Variants in EPHA6 observed in about 807,000 individuals in gnomAD.
EPHA6 encodes the protein EPH receptor A6.
EPHA6 carries 50 observed loss-of-function variants against 112.0 expected under a neutral mutation model. The observed-to-expected ratio is 0.45, with a 90% CI of 0.36 to 0.56. The LOEUF (loss-of-function observed/expected upper bound fraction) is 0.56, where lower values mean the gene tolerates loss of function less well. Among genes scored for constraint, EPHA6 ranks in the 20% least tolerant of loss-of-function variants. EPHA6 has a pLI of 0.00. For missense variants in EPHA6, 1,280 were observed against 1,417.4 expected (o/e 0.90, Z 1.56); for synonymous variants, 529 against 490.7 (o/e 1.08, Z -1.03).
At position 97,217,109 on chromosome 3, in the gene EPHA6, G is replaced by A. The variant is rs369306260; in HGVS notation, c.1115-9155G>A. Among the ~76,000 whole-genome samples the A allele has an allele frequency of 3.0e-4, 46 of 152,258 alleles. No homozygotes were observed. In the South Asian group the frequency reaches 8.3e-3, roughly 27 times the overall value. The stretch of plus-strand genomic sequence containing the variant: ...GGTAAATTTTTAGGCCCTGGCACAG[G>A]AGAAAGGACCCTGATAAAACCTTAT... On this transcript the variant is annotated intron_variant, in intron 3 of 17. Transcript: ENST00000389672.
At chr3:97,329,799 T>A (rs1206234023) in intron 5 of EPHA6, among the ~76,000 whole-genome samples, 1 of 152,164 alleles carries the variant, frequency 6.6e-6, no homozygotes, top group Admixed American at 6.6e-5. Flanking sequence ...TTTCTTTTGC[T>A]GTGCAGAAGC....
chr3:97,645,129 T>C (rs1448316544), intron 14 of EPHA6, among the ~76,000 whole-genome samples: 5 of 152,052 alleles, frequency 3.3e-5, no homozygotes, highest in Admixed American at 3.3e-4. Flanking sequence ...GATCTACAAC[T>C]AGAAATACCA....
At chr3:97,273,048 A>AG (rs2079945610) in intron 5 of EPHA6, among the ~76,000 whole-genome samples, 1 of 152,098 alleles carries the variant, frequency 6.6e-6, no homozygotes, top group African/African-American at 2.4e-5. Flanking sequence ...TTTTCTGGTA[A>AG]GGGGTGATAT....
chr3:97,481,260 G>A lies in EPHA6; in HGVS notation c.2074+1896G>A, dbSNP rs528858670. 105 of 1,466,984 alleles carry A rather than the reference G, an allele frequency of 7.2e-5. No homozygotes were observed. The South Asian group carries it at 1.0e-3, about 14-fold the overall frequency. The allele number at this position is 1,466,984 out of a possible 1,614,324, so 90.9% of individuals were successfully genotyped here. A position where few individuals can be genotyped will look rare whatever the true frequency, so the allele number is the denominator to read the frequency against. Reference sequence around the variant, plus strand: ...ACTTTTAGATCACGTACATAACCAGGAATTGAATAAATAATGAATGTTTTC... The same window carrying A: ...ACTTTTAGATCACGTACATAACCAGAAATTGAATAAATAATGAATGTTTTC... On this transcript the variant is annotated intron_variant, in intron 9 of 17. Transcript: ENST00000389672.
At chr3:96,849,996 A>G (rs1232260731) in intron 1 of EPHA6, among the ~76,000 whole-genome samples, 2 of 152,200 alleles carry the variant, frequency 1.3e-5, no homozygotes, top group African/African-American at 4.8e-5. Flanking sequence ...AAGCTCAAGA[A>G]CAATATATGG....
At chr3:96,958,721 C>T (rs998509064) in intron 2 of EPHA6, among the ~76,000 whole-genome samples, 2 of 152,162 alleles carry the variant, frequency 1.3e-5, no homozygotes, top group African/African-American at 4.8e-5. Flanking sequence ...TAAATGGAAT[C>T]ATGCAATATA....
At chr3:97,401,402 C>T (rs866009389) in intron 5 of EPHA6, among the ~76,000 whole-genome samples, 2 of 151,636 alleles carry the variant, frequency 1.3e-5, no homozygotes, top group Non-Finnish European at 3.0e-5. Flanking sequence ...ACTGTACAAC[C>T]GTGGTAGTTT....
intron 3 of EPHA6, among the ~76,000 whole-genome samples, chr3:97,012,972 G>A (rs2044143326): frequency 6.6e-6 from 1 of 151,958 alleles, no homozygotes; most frequent in African/African-American, 2.4e-5. Flanking sequence ...AATTGTTTTA[G>A]TTCTTTACAG....
intron 3 of EPHA6, among the ~76,000 whole-genome samples, chr3:97,132,646 C>G (rs1488645734): frequency 6.6e-6 from 1 of 152,018 alleles, no homozygotes; most frequent in African/African-American, 2.4e-5. Flanking sequence ...ACACATTAAG[C>G]TATTACCAGT....
In EPHA6 at chr3:97,637,879, G is replaced by C. The variant is rs377608615; in HGVS notation, c.2581G>C (p.Asp861His). Reference protein sequence around the residue: ...GSLDSFLRKHDGHFTVIQLVG... With the variant: ...GSLDSFLRKHHGHFTVIQLVG... Reference sequence around the variant, plus strand: ...AATTGTGATTCTCTTGCAGAAGCATGATGGCCACTTCACAGTCATCCAGTT... The same window carrying C: ...AATTGTGATTCTCTTGCAGAAGCATCATGGCCACTTCACAGTCATCCAGTT... Residue 861 changes from aspartate to histidine, a missense_variant, in exon 14 of 18, where the codon GAT (aspartate) becomes CAT (histidine). Coordinates refer to ENST00000389672, the MANE Select transcript of EPHA6 (RefSeq NM_001080448.3). The C allele has an allele frequency of 8.1e-5, 130 of 1,613,618 alleles. No individual in the cohort carries two copies. Among genetic ancestry groups the C allele is most frequent in the Non-Finnish European group, 9.4e-5 (111 of 1,179,574 alleles).
intron 14 of EPHA6, among the ~76,000 whole-genome samples, chr3:97,671,304 T>C (rs568872317): frequency 6.6e-6 from 1 of 152,230 alleles, no homozygotes; most frequent in African/African-American, 2.4e-5. Context: ...CTTAATTCTA[T>C]ATTCCCAGGA....
intron 3 of EPHA6, among the ~76,000 whole-genome samples, chr3:97,179,469 G>C (rs1211544975): frequency 6.6e-6 from 1 of 152,026 alleles, no homozygotes; most frequent in Admixed American, 6.6e-5. Context: ...GGTATTTATT[G>C]TGGTCTTCAC....
chr3:97,295,717 A>G (rs2080851603), intron 5 of EPHA6, among the ~76,000 whole-genome samples: 1 of 151,854 alleles, frequency 6.6e-6, no homozygotes, highest in Admixed American at 6.6e-5. Context: ...CTTTTTACTG[A>G]AGATGTGTTG....
chr3:96,829,185 T>C (rs1255261173), intron 1 of EPHA6, among the ~76,000 whole-genome samples: 1 of 152,154 alleles, frequency 6.6e-6, no homozygotes, highest in Non-Finnish European at 1.5e-5. Flanking sequence ...GCTTAAAATA[T>C]ATGAAAGTTC....
intron 1 of EPHA6, among the ~76,000 whole-genome samples, chr3:96,843,261 T>C (rs1986956): frequency 0.22 from 33,470 of 151,982 alleles, 6,482 homozygotes; most frequent in African/African-American, 0.49. Flanking sequence ...ACCTATTAAC[T>C]AAAGAGGTGT....
At chr3:97,618,602 T>C (rs7632398) in intron 13 of EPHA6, among the ~76,000 whole-genome samples, 39,657 of 151,766 alleles carry the variant, frequency 0.26, 6,754 homozygotes, top group East Asian at 0.51. Flanking sequence ...CCCACAGAAA[T>C]ACAAGCAACG....
intron 10 of EPHA6, among the ~76,000 whole-genome samples, chr3:97,503,164 A>T (rs1465874730): frequency 1.3e-5 from 2 of 152,156 alleles, no homozygotes; most frequent in Admixed American, 1.3e-4. Flanking sequence ...ATTATATATT[A>T]CAAAAACTGA....
chr3:97,736,543 TTC>T (rs1309808086), intron 16 of EPHA6, among the ~76,000 whole-genome samples: 1 of 151,524 alleles, frequency 6.6e-6, no homozygotes, highest in Non-Finnish European at 1.5e-5. Flanking sequence ...CTATTCTATG[TTC>T]TGTTCCTGAA....
chr3:97,227,289 C>T (rs1180242767), intron 4 of EPHA6, among the ~76,000 whole-genome samples: 1 of 151,324 alleles, frequency 6.6e-6, no homozygotes, highest in African/African-American at 2.4e-5. Context: ...GGCATGATCC[C>T]GGCTCACTGC....
Sources: allele counts gnomAD v4.1 joint callset (sites outside exome capture counted in the v4.1 genomes callset), GRCh38; gene constraint gnomAD v4.1.1; transcripts MANE v1.5; gene names NCBI Gene and HGNC (gene_info 2026-07-23, HGNC 2026-07-21).